CAMTA1: variants seen among roughly 807,000 people sequenced by gnomAD.
CAMTA1 encodes calmodulin-binding transcription activator 1.
Under a neutral mutation model 170.9 loss-of-function variants are expected in CAMTA1, and 27 were observed. That is an observed-to-expected ratio of 0.16 (90% CI 0.12 to 0.22). The LOEUF (loss-of-function observed/expected upper bound fraction) is 0.22. Ranked by LOEUF, CAMTA1 falls within the 10% of genes least tolerant of loss-of-function variation. The pLI, the probability that CAMTA1 is intolerant of heterozygous loss-of-function variation, is 1.00. For missense variants in CAMTA1, 1,619 were observed against 2,217.2 expected (o/e 0.73, Z 5.42); for synonymous variants, 833 against 891.5 (o/e 0.93, Z 1.17).
intron 6 of CAMTA1, among the ~76,000 whole-genome samples, chr1:7,556,818 C>T (rs1250880054): frequency 6.6e-6 from 1 of 152,098 alleles, no homozygotes; most frequent in Non-Finnish European, 1.5e-5. Flanking sequence ...AATTTTGGAT[C>T]CAAAAGGGCC....
intron 6 of CAMTA1, among the ~76,000 whole-genome samples, chr1:7,531,752 G>A (rs1406748976): frequency 1.3e-5 from 2 of 152,208 alleles, no homozygotes; most frequent in African/African-American, 4.8e-5. Flanking sequence ...TCTGAGAACA[G>A]CATCACTGAA....
rs76843119 is a variant in CAMTA1 at position 7,539,513 on chromosome 1, T to C, written c.510+71612T>C. 1.2e-3 allele frequency among the ~76,000 whole-genome samples: 179 copies of C among 152,378 alleles called. 3 individuals are homozygous for C. The East Asian group carries it at 0.028, about 24-fold the overall frequency. On this transcript the variant is annotated intron_variant, in intron 6 of 22. Coordinates refer to ENST00000303635, the MANE Select transcript of CAMTA1 (RefSeq NM_015215.4). Reference sequence around the variant, plus strand: ...TGAAGAATGTTCCTCTTGGGGCTATTGCGCTGAACCATTCCAGGGGATATA... The same window carrying C: ...TGAAGAATGTTCCTCTTGGGGCTATCGCGCTGAACCATTCCAGGGGATATA...
intron 3 of CAMTA1, among the ~76,000 whole-genome samples, chr1:6,858,924 T>A (rs1663554115): frequency 6.6e-6 from 1 of 152,206 alleles, no homozygotes; most frequent in African/African-American, 2.4e-5. Context: ...ACTTTACATA[T>A]TAATGAAGAA....
At chr1:7,650,949 A>G (rs1031604159) in intron 7 of CAMTA1, among the ~76,000 whole-genome samples, 3 of 152,206 alleles carry the variant, frequency 2.0e-5, no homozygotes, top group Admixed American at 6.5e-5. Context: ...CCTTGTCGCC[A>G]TGGAGACAGC....
At chr1:6,798,875 C>T (rs916932554) in intron 1 of CAMTA1, among the ~76,000 whole-genome samples, 13 of 151,876 alleles carry the variant, frequency 8.6e-5, no homozygotes, top group African/African-American at 3.1e-4. Flanking sequence ...GGATTACAGA[C>T]GTTAGCCTCC....
intron 3 of CAMTA1, among the ~76,000 whole-genome samples, chr1:7,017,497 G>A (rs911785228): frequency 6.6e-6 from 1 of 152,218 alleles, no homozygotes; most frequent in African/African-American, 2.4e-5. Flanking sequence ...CCGTCAGCGA[G>A]TATTTAAGTA....
At chr1:6,960,622 C>T (rs541754312) in intron 3 of CAMTA1, among the ~76,000 whole-genome samples, 64 of 152,298 alleles carry the variant, frequency 4.2e-4, no homozygotes, top group Non-Finnish European at 7.1e-4. Flanking sequence ...TTGATACCTC[C>T]GGAATAGTCT....
At chr1:6,849,745 T>A (rs189099239) in intron 3 of CAMTA1, among the ~76,000 whole-genome samples, 3 of 152,022 alleles carry the variant, frequency 2.0e-5, no homozygotes, top group Admixed American at 6.6e-5. Flanking sequence ...TTAAAAAATA[T>A]TAGGTTAGGC....
intron 6 of CAMTA1, among the ~76,000 whole-genome samples, chr1:7,572,197 G>A (rs1266040803): frequency 6.6e-6 from 1 of 152,086 alleles, no homozygotes; most frequent in Non-Finnish European, 1.5e-5. Context: ...TTTGTTTTTA[G>A]CTTGTAAATC....
chr1:6,816,295 A>G (rs934695828), intron 1 of CAMTA1, among the ~76,000 whole-genome samples: 1 of 152,104 alleles, frequency 6.6e-6, no homozygotes, highest in African/African-American at 2.4e-5. Flanking sequence ...ATTTACCCCT[A>G]TTGGATAGTG....
Position 7,100,480 on chromosome 1 carries a change from A to G in CAMTA1, c.302+9109A>G, listed in dbSNP as rs568967694. Among the ~76,000 whole-genome samples, 3 of 152,060 alleles carry G rather than the reference A, an allele frequency of 2.0e-5. 1 individual carries two copies. Among genetic ancestry groups the G allele is most frequent in the East Asian group, 3.9e-4 (2 of 5,156 alleles). ...CCTCTTCGTTTCCTGCTCACTCTCAAGTTAACTTGCTGTTTCACTCTCTTG... is the reference window on the plus strand; with the variant it reads ...CCTCTTCGTTTCCTGCTCACTCTCAGGTTAACTTGCTGTTTCACTCTCTTG... On this transcript the variant is annotated intron_variant, in intron 4 of 22. Coordinates refer to ENST00000303635, the MANE Select transcript of CAMTA1 (RefSeq NM_015215.4).
At chr1:7,410,817 G>A (rs549506934) in intron 5 of CAMTA1, among the ~76,000 whole-genome samples, 6 of 152,290 alleles carry the variant, frequency 3.9e-5, no homozygotes, top group East Asian at 1.9e-4. Context: ...GGGCCCACAC[G>A]GGGCGCTCTG....
intron 4 of CAMTA1, among the ~76,000 whole-genome samples, chr1:7,125,678 C>T (rs765094094): frequency 9.2e-5 from 14 of 152,132 alleles, no homozygotes; most frequent in Non-Finnish European, 1.3e-4. Flanking sequence ...GAGCTGGCCC[C>T]GGGGCGACTG....
chr1:7,589,960 C>T (rs766791440), intron 6 of CAMTA1, among the ~76,000 whole-genome samples: 1 of 152,150 alleles, frequency 6.6e-6, no homozygotes, highest in Non-Finnish European at 1.5e-5. Context: ...CTGCACAAGG[C>T]GGGGTTGTGT....
chr1:7,242,203 C>A (rs1239292134), intron 4 of CAMTA1, among the ~76,000 whole-genome samples: 1 of 152,150 alleles, frequency 6.6e-6, no homozygotes, highest in African/African-American at 2.4e-5. Flanking sequence ...TACTCAACAT[C>A]ATTAGTTATT....
intron 6 of CAMTA1, among the ~76,000 whole-genome samples, chr1:7,544,147 A>C (rs187310914): frequency 1.1e-3 from 165 of 152,310 alleles, no homozygotes; most frequent in African/African-American, 3.8e-3. Flanking sequence ...ACAGTTCCAC[A>C]TGGCTGGGGA....
At chr1:7,357,996 A>G (rs567891129) in intron 5 of CAMTA1, among the ~76,000 whole-genome samples, 1 of 152,310 alleles carries the variant, frequency 6.6e-6, no homozygotes, top group South Asian at 2.1e-4. Flanking sequence ...ACTATGCTAA[A>G]GGGCTGCTTG....
intron 5 of CAMTA1, among the ~76,000 whole-genome samples, chr1:7,265,165 G>A (rs975023755): frequency 3.3e-5 from 5 of 152,122 alleles, no homozygotes. Context: ...AACTGTTCCT[G>A]CGCTGTCCCA....
chr1:7,301,524 C>T (rs1438905664), intron 5 of CAMTA1, among the ~76,000 whole-genome samples: 1 of 152,114 alleles, frequency 6.6e-6, no homozygotes, highest in Admixed American at 6.5e-5. Flanking sequence ...GCCTGTAGTG[C>T]TGGTGCCTTG....
Sources: allele counts gnomAD v4.1 joint callset (sites outside exome capture counted in the v4.1 genomes callset), GRCh38; gene constraint gnomAD v4.1.1; transcripts MANE v1.5; gene names NCBI Gene and HGNC (gene_info 2026-07-23, HGNC 2026-07-21).